The following DGKD variants were observed in gnomAD, a reference collection of about 807,000 sequenced individuals.
DGKD encodes the protein diacylglycerol kinase delta, also known as DAG kinase delta.
DGKD carries 68 observed loss-of-function variants against 154.4 expected under a neutral mutation model. The ratio of observed to expected loss-of-function variants is 0.44; its 90% confidence interval spans 0.36 to 0.54. DGKD has a LOEUF of 0.54. Ranked by LOEUF, DGKD falls within the 20% of genes least tolerant of loss-of-function variation. The probability of loss-of-function intolerance (pLI) is 0.00; values close to 1 mark genes in which losing one functional copy is unlikely to be tolerated. For synonymous variants in DGKD, 693 were observed against 638.0 expected (o/e 1.09, Z -1.30); for missense variants, 1,343 against 1,593.6 (o/e 0.84, Z 2.68).
In DGKD at chr2:233,376,477, C is replaced by G. The variant is rs1574998137; in HGVS notation, c.157-11780C>G. ...ATACAGATTCTACATAAGCTCCTGG[C>G]ACATAGTAGGCACTCCATAAATACT... On this transcript the variant is annotated intron_variant, in intron 1 of 29. Transcript: ENST00000264057. Among the ~76,000 whole-genome samples the G allele has an allele frequency of 2.0e-5, 3 of 152,238 alleles. No homozygotes were observed. In the South Asian group the frequency reaches 6.2e-4, roughly 32 times the overall value.
At chr2:233,366,817 C>G (rs1163083920) in intron 1 of DGKD, among the ~76,000 whole-genome samples, 4 of 151,766 alleles carry the variant, frequency 2.6e-5, no homozygotes, top group Admixed American at 2.0e-4. Context: ...AGGAGGTGGG[C>G]AGAAGAGGAA....
chr2:233,465,906 TA>T (rs2063809230), intron 27 of DGKD, among the ~76,000 whole-genome samples: 1 of 151,666 alleles, frequency 6.6e-6, no homozygotes, highest in Non-Finnish European at 1.5e-5. Flanking sequence ...TAAAACACCA[TA>T]AAAAATCCAA....
rs1028979788 is a variant in DGKD, at chr2:233,469,526, C to A, written c.*66C>A. 8.5e-6 allele frequency: 12 copies of A among 1,418,370 alleles called. No homozygotes were observed. In the African/African-American group the frequency reaches 1.6e-4, roughly 18 times the overall value. The allele number at this position is 1,418,370 out of a possible 1,614,324, so 87.9% of individuals were successfully genotyped here. A position where few individuals can be genotyped will look rare whatever the true frequency, so the allele number is the denominator to read the frequency against. On this transcript the variant is annotated 3_prime_UTR_variant, in exon 30 of 30. Transcript: ENST00000264057. The stretch of plus-strand genomic sequence containing the variant: ...CGAGGCCTAGCCTCCGCCCTCTCAG[C>A]CTGTGGCCTCTGCGCCTCCTGCCAC...
rs370449248 is a variant in DGKD, at chr2:233,453,241, G to A, written c.2264+1181G>A. On this transcript the variant is annotated intron_variant, in intron 18 of 29. Transcript: ENST00000264057. ...CTGTGGTGTGTGCCTGGGCCGTATT[G>A]TGTGGGCCCCATTGTAGCTGGGCCT... Among the ~76,000 whole-genome samples the A allele has an allele frequency of 3.3e-4, 50 of 152,230 alleles. 3 individuals carry two copies. In the East Asian group the frequency reaches 8.9e-3, roughly 27 times the overall value.
chr2:233,415,411 G>A (rs1375372788), intron 3 of DGKD, among the ~76,000 whole-genome samples: 2 of 152,172 alleles, frequency 1.3e-5, no homozygotes, highest in Admixed American at 1.3e-4. Context: ...ACTCTCCCCG[G>A]TGATGTCAGC....
At chr2:233,468,330 G>A in intron 28 of DGKD, 93 bp from the exon 29 acceptor site, 7 of 1,515,018 alleles carry the variant, frequency 4.6e-6, no homozygotes, top group Middle Eastern at 1.8e-4. Context: ...TCCTGTCCTG[G>A]CACTGGGCTC....
intron 19 of DGKD, 104 bp from the exon 20 acceptor site, chr2:233,456,795 C>CTGAT: frequency 1.2e-6 from 1 of 821,546 alleles, no homozygotes; most frequent in East Asian, 2.5e-5. Context: ...CTAAATGTAG[C>CTGAT]TGATTTGTGG....
In DGKD at chr2:233,438,861, T is replaced by C. The variant is rs1341261795; in HGVS notation, c.1085+482T>C. Among the ~76,000 whole-genome samples the C allele has an allele frequency of 3.9e-5, 6 of 152,142 alleles. No homozygotes were observed. Among genetic ancestry groups the C allele is most frequent in the Non-Finnish European group, 5.9e-5 (4 of 68,036 alleles). On this transcript the variant is annotated intron_variant, in intron 9 of 29. Transcript: ENST00000264057. This position sits in a 1 kb window ranked among gnomAD's most constrained non-coding sequence, Gnocchi z 4.1. ...TGCCTCGTTCTTTGTAACAGCTGCCTAACATTGAGGAAGAAGCTGTCCTGC... is the reference window on the plus strand; with the variant it reads ...TGCCTCGTTCTTTGTAACAGCTGCCCAACATTGAGGAAGAAGCTGTCCTGC...
intron 12 of DGKD, 127 bp from the exon 13 acceptor site, chr2:233,447,960 G>A: frequency 1.3e-6 from 2 of 1,524,666 alleles, no homozygotes; most frequent in Admixed American, 1.9e-5. Context: ...GTCAGACAGT[G>A]TCTGTTAGGA....
intron 1 of DGKD, among the ~76,000 whole-genome samples, chr2:233,370,991 ATCT>A (rs1702294276): frequency 6.9e-6 from 1 of 145,318 alleles, no homozygotes; most frequent in African/African-American, 2.7e-5. Context: ...GGCTCAAGTG[ATCT>A]TCTTGCCTTG....
At chr2:233,401,485 A>T (rs1180882223) in intron 3 of DGKD, among the ~76,000 whole-genome samples, 1 of 152,222 alleles carries the variant, frequency 6.6e-6, no homozygotes, top group Non-Finnish European at 1.5e-5. Flanking sequence ...GGCTTCAGTT[A>T]GTCTGGCTGT....
chr2:233,415,427 C>T (rs2061937184), intron 3 of DGKD, among the ~76,000 whole-genome samples: 2 of 152,334 alleles, frequency 1.3e-5, no homozygotes, highest in South Asian at 2.1e-4. Context: ...TCAGCTCCTT[C>T]ACCTCCATTG....
At chr2:233,393,254 C>G (rs1304878483) in intron 3 of DGKD, among the ~76,000 whole-genome samples, 1 of 151,842 alleles carries the variant, frequency 6.6e-6, no homozygotes, top group Non-Finnish European at 1.5e-5. Flanking sequence ...TCTCAAACTC[C>G]TGACCTTGAG....
intron 3 of DGKD, among the ~76,000 whole-genome samples, chr2:233,406,473 A>G (rs1261309569): frequency 1.3e-5 from 2 of 152,180 alleles, no homozygotes; most frequent in Admixed American, 1.3e-4. Context: ...CCCTTCCAGA[A>G]TGTGAGTCTT....
intron 28 of DGKD, among the ~76,000 whole-genome samples, 176 bp from the exon 29 acceptor site, chr2:233,468,247 G>A (rs141907484): frequency 2.3e-5 from 3 of 131,698 alleles, no homozygotes; most frequent in Admixed American, 7.6e-5. Context: ...GGGCTATCTC[G>A]GGTGCCGGCT....
intron 1 of DGKD, among the ~76,000 whole-genome samples, chr2:233,363,957 A>G (rs535031031): frequency 6.6e-6 from 1 of 152,330 alleles, no homozygotes; most frequent in Admixed American, 6.5e-5. Context: ...ATATATGCTC[A>G]TTGTTAAGCA....
At chr2:233,467,968 A>T (rs1031320418) in intron 28 of DGKD, among the ~76,000 whole-genome samples, 1 of 152,202 alleles carries the variant, frequency 6.6e-6, no homozygotes, top group Admixed American at 6.5e-5. Context: ...AAGCTGGAGG[A>T]AAAGCTGGCT....
intron 7 of DGKD, 121 bp downstream of exon 7, chr2:233,436,562 G>A (rs756445966): frequency 3.0e-4 from 409 of 1,377,460 alleles, no homozygotes; most frequent in Non-Finnish European, 3.3e-4. Flanking sequence ...AGGCCCCTCC[G>A]GCTGAGAGTG....
intron 1 of DGKD, among the ~76,000 whole-genome samples, chr2:233,355,278 G>T (rs1171148117): frequency 2.0e-5 from 3 of 152,220 alleles, no homozygotes; most frequent in South Asian, 2.1e-4. Context: ...CACCCGCTTG[G>T]CACCCAACTC....
Sources: gnomAD v4.1 joint callset for allele counts (sites outside exome capture counted in the v4.1 genomes callset) on GRCh38, gnomAD v4.1.1 for gene constraint, Gnocchi (gnomAD v3.1) non-coding constraint, MANE v1.5 for transcripts, NCBI Gene and HGNC (gene_info 2026-07-23, HGNC 2026-07-21) for gene names.